Variants in CCDC85A observed in about 807,000 individuals in gnomAD.
CCDC85A encodes coiled-coil domain-containing protein 85A.
A neutral mutation model predicts 50.2 loss-of-function variants in CCDC85A; 38 were observed. The observed-to-expected ratio is 0.76, with a 90% CI of 0.58 to 0.99. The LOEUF is 0.99. Among genes scored for constraint, CCDC85A ranks in the 50% least tolerant of loss-of-function variants. The probability of loss-of-function intolerance (pLI) is 0.00; values close to 1 mark genes in which losing one functional copy is unlikely to be tolerated. For synonymous variants in CCDC85A, 366 were observed against 301.4 expected (o/e 1.21, Z -2.22); for missense variants, 820 against 742.0 (o/e 1.11, Z -1.22).
At chr2:56,224,096 C>T (rs1044041750) in intron 2 of CCDC85A, among the ~76,000 whole-genome samples, 1 of 152,156 alleles carries the variant, frequency 6.6e-6, no homozygotes, top group Non-Finnish European at 1.5e-5. Flanking sequence ...TTGCATTTAA[C>T]CCCATACCCA....
intron 2 of CCDC85A, among the ~76,000 whole-genome samples, chr2:56,222,566 G>T (rs1205782710): frequency 6.6e-6 from 1 of 152,124 alleles, no homozygotes; most frequent in Non-Finnish European, 1.5e-5. Context: ...AGAAGGAGAT[G>T]TACAGGCCCT....
intron 3 of CCDC85A, among the ~76,000 whole-genome samples, chr2:56,350,429 G>A (rs904119340): frequency 6.6e-6 from 1 of 152,058 alleles, no homozygotes; most frequent in African/African-American, 2.4e-5. Flanking sequence ...AAATTAGCAG[G>A]GTATGGTGGC....
chr2:56,323,769 C>T (rs1046797857), intron 2 of CCDC85A, among the ~76,000 whole-genome samples: 3 of 152,048 alleles, frequency 2.0e-5, no homozygotes, highest in African/African-American at 7.2e-5. Flanking sequence ...CCAAGCAATT[C>T]ATTTTTCACC....
At chr2:56,266,909 A>C (rs1670473555) in intron 2 of CCDC85A, among the ~76,000 whole-genome samples, 1 of 152,262 alleles carries the variant, frequency 6.6e-6, no homozygotes. Flanking sequence ...CATTCAAGTG[A>C]GTGGTGTGGT....
At chr2:56,215,081 A>T (rs1677335934) in intron 2 of CCDC85A, among the ~76,000 whole-genome samples, 1 of 151,870 alleles carries the variant, frequency 6.6e-6, no homozygotes, top group East Asian at 1.9e-4. Flanking sequence ...GCACATATAG[A>T]CCAATTTTAT....
At chr2:56,347,451 A>G (rs1340474904) in intron 3 of CCDC85A, among the ~76,000 whole-genome samples, 1 of 152,192 alleles carries the variant, frequency 6.6e-6, no homozygotes, top group Non-Finnish European at 1.5e-5. Context: ...AAAAACTAAC[A>G]TTGGATCTGC....
At chr2:56,300,786 G>T (rs1384030709) in intron 2 of CCDC85A, among the ~76,000 whole-genome samples, 1 of 152,188 alleles carries the variant, frequency 6.6e-6, no homozygotes, top group Non-Finnish European at 1.5e-5. Flanking sequence ...ATGAAAGACT[G>T]GCCCACTTTT....
chr2:56,247,868 A>G (rs968820782), intron 2 of CCDC85A, among the ~76,000 whole-genome samples: 32 of 152,348 alleles, frequency 2.1e-4, no homozygotes, highest in African/African-American at 6.0e-4. Context: ...AAATTTGAGG[A>G]TATTGGAATT....
chr2:56,221,984 G>A (rs1247474015), intron 2 of CCDC85A, among the ~76,000 whole-genome samples: 1 of 151,972 alleles, frequency 6.6e-6, no homozygotes, highest in Non-Finnish European at 1.5e-5. Flanking sequence ...AGAGGAAATT[G>A]GGCCAAACTG....
At chr2:56,264,042 A>G (rs1482595596) in intron 2 of CCDC85A, among the ~76,000 whole-genome samples, 1 of 152,188 alleles carries the variant, frequency 6.6e-6, no homozygotes, top group Non-Finnish European at 1.5e-5. Context: ...ACAATGTCTT[A>G]AGGAAGTTTA....
In CCDC85A at chr2:56,195,139, A is replaced by G. The variant is rs564446713; in HGVS notation, c.1240+1699A>G. On this transcript the variant is annotated intron_variant, in intron 2 of 5. Transcript: ENST00000407595. ...AAAAGAAAATATTAGGGACAAGTGGATCACTTAAAAAACACTTTCTCTTTA... is the reference window on the plus strand; with the variant it reads ...AAAAGAAAATATTAGGGACAAGTGGGTCACTTAAAAAACACTTTCTCTTTA... Among the ~76,000 whole-genome samples the G allele has an allele frequency of 5.3e-5, 8 of 152,370 alleles. No homozygotes were observed. The South Asian group carries it at 1.4e-3, about 28-fold the overall frequency.
At chr2:56,349,095 T>G (rs1003910984) in intron 3 of CCDC85A, among the ~76,000 whole-genome samples, 3 of 152,140 alleles carry the variant, frequency 2.0e-5, no homozygotes, top group African/African-American at 7.2e-5. Flanking sequence ...TTGTGCAGAA[T>G]TATACTTTTT....
At chr2:56,291,193 A>T (rs1671687340) in intron 2 of CCDC85A, among the ~76,000 whole-genome samples, 1 of 152,202 alleles carries the variant, frequency 6.6e-6, no homozygotes, top group Non-Finnish European at 1.5e-5. Context: ...GAAAAACTTG[A>T]TGTCTTAATC....
Position 56,385,561 on chromosome 2 carries a change from G to A in CCDC85A, c.*1206G>A, listed in dbSNP as rs1349277756. 1 of 152,012 alleles carries A rather than the reference G, an allele frequency of 6.6e-6. No individual in the cohort carries two copies. Among genetic ancestry groups the A allele is most frequent in the East Asian group, 1.9e-4 (1 of 5,162 alleles). The allele number at this position is 152,012 out of a possible 1,614,324, so 9.4% of individuals were successfully genotyped here. On this transcript the variant is annotated 3_prime_UTR_variant, in exon 6 of 6. Coordinates refer to ENST00000407595, the MANE Select transcript of CCDC85A (RefSeq NM_001080433.2). ...ATGTGCAAGAGGCCTGTGACCGAAT[G>A]CTACGTTTTTATGGTAGTTTAAGAT...
At chr2:56,358,381 T>C (rs924577566) in intron 3 of CCDC85A, among the ~76,000 whole-genome samples, 6 of 152,226 alleles carry the variant, frequency 3.9e-5, no homozygotes, top group African/African-American at 1.4e-4. Flanking sequence ...GACATTTGTC[T>C]ATTTATCACT....
chr2:56,189,295 G>GTTTTTTTTTTTTTTTT (rs773078371), intron 1 of CCDC85A, among the ~76,000 whole-genome samples: 14 of 100,444 alleles, frequency 1.4e-4, no homozygotes, highest in Non-Finnish European at 2.0e-4. Context: ...GGTATTTTTG[G>GTTTTTTTTTTTTTTTT]TGTTTTTTTT....
chr2:56,352,607 A>C (rs1472679261), intron 3 of CCDC85A, among the ~76,000 whole-genome samples: 3 of 152,168 alleles, frequency 2.0e-5, no homozygotes, highest in Admixed American at 6.5e-5. Context: ...TGGCCTCCCA[A>C]AGTGCTGGGA....
At chr2:56,365,724 A>G (rs13423167) in intron 3 of CCDC85A, among the ~76,000 whole-genome samples, 6,096 of 152,282 alleles carry the variant, frequency 0.04, 394 homozygotes, top group African/African-American at 0.14. Flanking sequence ...AATACAGCTA[A>G]TTAACATATA....
At chr2:56,354,489 A>G (rs1675121882) in intron 3 of CCDC85A, among the ~76,000 whole-genome samples, 2 of 152,362 alleles carry the variant, frequency 1.3e-5, no homozygotes, top group South Asian at 4.1e-4. Flanking sequence ...TCTGCAGACT[A>G]AAGCATCTGA....
Sources: allele counts gnomAD v4.1 joint callset (sites outside exome capture counted in the v4.1 genomes callset), GRCh38; gene constraint gnomAD v4.1.1; transcripts MANE v1.5; gene names NCBI Gene and HGNC (gene_info 2026-07-23, HGNC 2026-07-21).